The following GRIK1 variants were observed in gnomAD, a reference collection of about 807,000 sequenced individuals.
The protein encoded by GRIK1 is glutamate ionotropic receptor kainate type subunit 1.
GRIK1 carries 69 observed loss-of-function variants against 105.7 expected under a neutral mutation model. The ratio of observed to expected loss-of-function variants is 0.65; its 90% confidence interval spans 0.54 to 0.80. The LOEUF (loss-of-function observed/expected upper bound fraction) is 0.80. Among genes scored for constraint, GRIK1 ranks in the 30% least tolerant of loss-of-function variants. The pLI is 0.00. For synonymous variants in GRIK1, 438 were observed against 431.3 expected (o/e 1.02, Z -0.19); for missense variants, 1,109 against 1,167.3 (o/e 0.95, Z 0.73).
intron 1 of GRIK1, among the ~76,000 whole-genome samples, chr21:29,840,087 T>A (rs1049884434): frequency 2.6e-5 from 4 of 152,162 alleles, no homozygotes; most frequent in Admixed American, 2.6e-4. Flanking sequence ...GAGTGGGAAT[T>A]GAAAAATAGG....
chr21:29,674,280 G>C (rs2063222384), intron 3 of GRIK1, among the ~76,000 whole-genome samples: 1 of 147,696 alleles, frequency 6.8e-6, no homozygotes, highest in Non-Finnish European at 1.5e-5. Flanking sequence ...TTTACCAGAA[G>C]TTACATTTGT....
chr21:29,541,575 C>CTTTTTTTTTTTGTTTTTTTTTTTTTT (rs2089971511), intron 16 of GRIK1, among the ~76,000 whole-genome samples: 1 of 96,006 alleles, frequency 1.0e-5, no homozygotes, highest in African/African-American at 4.8e-5. Flanking sequence ...CACTCACGGT[C>CTTTTTTTTTTTGTTTTTTTTTTTTTT]TTTTTTTTTT....
At chr21:29,614,664 C>G (rs138280014) in intron 7 of GRIK1, among the ~76,000 whole-genome samples, 1 of 151,352 alleles carries the variant, frequency 6.6e-6, no homozygotes, top group Non-Finnish European at 1.5e-5. Context: ...CTGCCTGCCT[C>G]GGCCTCCCAA....
At chr21:29,852,968 C>A (rs1187318003) in intron 1 of GRIK1, among the ~76,000 whole-genome samples, 1 of 152,100 alleles carries the variant, frequency 6.6e-6, no homozygotes, top group Non-Finnish European at 1.5e-5. Context: ...GATCTTATAT[C>A]CCAAAGCTTT....
At chr21:29,875,529 C>T (rs956222417) in intron 1 of GRIK1, among the ~76,000 whole-genome samples, 1 of 152,120 alleles carries the variant, frequency 6.6e-6, no homozygotes, top group African/African-American at 2.4e-5. Flanking sequence ...CAATGATTTA[C>T]GCCTGGTATC....
intron 16 of GRIK1, among the ~76,000 whole-genome samples, chr21:29,552,596 T>C (rs1369409429): frequency 6.6e-6 from 1 of 152,044 alleles, no homozygotes; most frequent in South Asian, 2.1e-4. Context: ...TCAGAAAAGA[T>C]TGTTCCAAGA....
intron 1 of GRIK1, among the ~76,000 whole-genome samples, chr21:29,726,512 T>A (rs2064466674): frequency 6.6e-6 from 1 of 152,236 alleles, no homozygotes; most frequent in Non-Finnish European, 1.5e-5. Context: ...TAAAATCCCC[T>A]ATAATTCCAT....
chr21:29,622,172 C>G (rs961887328), intron 7 of GRIK1, among the ~76,000 whole-genome samples: 105 of 152,056 alleles, frequency 6.9e-4, no homozygotes, highest in African/African-American at 2.5e-3. Context: ...GTCTCAAACT[C>G]CTGACCTCAG....
intron 7 of GRIK1, among the ~76,000 whole-genome samples, chr21:29,602,895 A>G (rs968838479): frequency 6.6e-6 from 1 of 152,102 alleles, no homozygotes; most frequent in Non-Finnish European, 1.5e-5. Context: ...TCTCTTTTAT[A>G]ATTGAGGAGA....
chr21:29,538,812 G>A (rs1217594060), intron 16 of GRIK1, among the ~76,000 whole-genome samples: 1 of 152,060 alleles, frequency 6.6e-6, no homozygotes, highest in East Asian at 1.9e-4. Flanking sequence ...ATGTGTATTT[G>A]AAAATGTTCG....
intron 7 of GRIK1, among the ~76,000 whole-genome samples, chr21:29,620,892 A>AAT (rs1380137745): frequency 2.0e-5 from 3 of 147,642 alleles, no homozygotes; most frequent in African/African-American, 7.4e-5. Flanking sequence ...GCAATGTGTG[A>AAT]TATATATCAT....
chr21:29,581,595 AC>A, intron 12 of GRIK1, 52 bp from the exon 13 acceptor site: 1 of 1,013,774 alleles, frequency 9.9e-7, no homozygotes, highest in Non-Finnish European at 1.5e-6. Context: ...CACACAGGAC[AC>A]CAGCAAAACC....
chr21:29,885,341 A>G (rs950032663), intron 1 of GRIK1, among the ~76,000 whole-genome samples: 2 of 152,056 alleles, frequency 1.3e-5, no homozygotes, highest in Admixed American at 6.6e-5. Context: ...TTCTCTTCTC[A>G]TACCACAACC....
intron 1 of GRIK1, among the ~76,000 whole-genome samples, chr21:29,814,509 C>T (rs1459205303): frequency 1.3e-5 from 2 of 151,954 alleles, no homozygotes; most frequent in African/African-American, 2.4e-5. Flanking sequence ...TTGGCAGCAT[C>T]GTAGATCACA....
intron 6 of GRIK1, among the ~76,000 whole-genome samples, chr21:29,647,534 G>A (rs948496753): frequency 6.6e-6 from 1 of 152,180 alleles, no homozygotes; most frequent in African/African-American, 2.4e-5. Flanking sequence ...AGGCTCTGAC[G>A]TAAGTTTATG....
intron 1 of GRIK1, among the ~76,000 whole-genome samples, chr21:29,898,865 G>A (rs1029275447): frequency 5.9e-5 from 9 of 151,830 alleles, no homozygotes; most frequent in Non-Finnish European, 1.3e-4. Context: ...AATGAGATTC[G>A]GGAGGCTAAG....
At chr21:29,885,077 T>C (rs1158710844) in intron 1 of GRIK1, among the ~76,000 whole-genome samples, 3 of 152,086 alleles carry the variant, frequency 2.0e-5, no homozygotes, top group African/African-American at 4.8e-5. Context: ...AACTACTTTT[T>C]AATGGACACA....
At chr21:29,892,271 G>GT (rs1263320110) in intron 1 of GRIK1, among the ~76,000 whole-genome samples, 1 of 152,338 alleles carries the variant, frequency 6.6e-6, no homozygotes, top group East Asian at 1.9e-4. Flanking sequence ...ACTTTGAGTA[G>GT]TTTTGTAAGC....
intron 9 of GRIK1, among the ~76,000 whole-genome samples, chr21:29,592,733 C>T (rs1273304847): frequency 6.6e-6 from 1 of 152,162 alleles, no homozygotes; most frequent in Non-Finnish European, 1.5e-5. Flanking sequence ...AAGACCTGCA[C>T]ACATAGTAAC....
Sources: gnomAD v4.1 joint callset for allele counts (sites outside exome capture counted in the v4.1 genomes callset) on GRCh38, gnomAD v4.1.1 for gene constraint, MANE v1.5 for transcripts, NCBI Gene and HGNC (gene_info 2026-07-23, HGNC 2026-07-21) for gene names.